The following SEC31A variants were observed in gnomAD, a reference collection of about 807,000 sequenced individuals.
SEC31A encodes the protein SEC31 homolog A, COPII component, also known as protein transport protein Sec31A.
Under a neutral mutation model 151.0 loss-of-function variants are expected in SEC31A, and 70 were observed. The ratio of observed to expected loss-of-function variants is 0.46; its 90% CI spans 0.38 to 0.57. The LOEUF is 0.57. SEC31A is among the 20% of genes least tolerant of loss of function. The pLI is 0.00. For synonymous variants in SEC31A, 475 were observed against 505.9 expected, an observed-to-expected ratio of 0.94 and a Z score of 0.82; for missense variants, 1,330 against 1,471.2, an observed-to-expected ratio of 0.90 and a Z score of 1.57.
chr4:82,841,080 A>G (rs1728613029), intron 22 of SEC31A, among the ~76,000 whole-genome samples: 2 of 152,210 alleles, frequency 1.3e-5, no homozygotes, highest in South Asian at 4.1e-4. Context: ...CACTTAGCTT[A>G]AAACATAAAT....
Position 82,871,868 on chromosome 4 carries a change from A to T in SEC31A, c.782+76T>A, listed in dbSNP as rs1404593739. ...AAAAAGTTCCTGTGTCCTATGGTGT[A>T]TTTCTGGTCACGAAAACATCACCGA... On this transcript the variant is annotated intron_variant, in intron 7 of 26. Coordinates refer to ENST00000395310, the MANE Select transcript of SEC31A (RefSeq NM_001077207.4). 1.9e-6 allele frequency: 3 copies of T among 1,598,910 alleles called. No homozygotes were observed. In the East Asian group the frequency reaches 6.8e-5, roughly 36 times the overall value.
At chr4:82,896,574 A>T (rs1351605705) in intron 3 of SEC31A, among the ~76,000 whole-genome samples, 1 of 151,782 alleles carries the variant, frequency 6.6e-6, no homozygotes, top group Non-Finnish European at 1.5e-5. Flanking sequence ...CCTGGGCAAC[A>T]CGGCAAAACC....
In SEC31A at chr4:82,872,024, C is replaced by T; in HGVS notation, c.702G>A (p.Glu234=). 1 of 1,614,124 alleles carries T rather than the reference C, an allele frequency of 6.2e-7. No individual in the cohort carries two copies. The highest frequency in any genetic ancestry group is 8.5e-7 in the Non-Finnish European group (1 of 1,180,022). The change falls in exon 7 of 27, where the codon GAG becomes GAA. Residue 234 remains glutamate (E), a synonymous_variant. Transcript: ENST00000395310. ...DVATQMVLAS[E]DDRLPVIQMW... ...TCTGGATCACTGGTAACCGGTCATC[C>T]TCGGAGGCAAGGACCATCTGAGTAG...
At chr4:82,858,727 G>C (rs930267980) in intron 14 of SEC31A, among the ~76,000 whole-genome samples, 2 of 150,898 alleles carry the variant, frequency 1.3e-5, no homozygotes, top group African/African-American at 2.4e-5. Context: ...TTTTGAGACA[G>C]AGTCTCACTC....
At chr4:82,846,473 G>C (rs576831127) in intron 20 of SEC31A, among the ~76,000 whole-genome samples, 3 of 150,946 alleles carry the variant, frequency 2.0e-5, no homozygotes, top group Non-Finnish European at 4.4e-5. Context: ...TTTTTCAATA[G>C]AAGTTACACT....
intron 11 of SEC31A, among the ~76,000 whole-genome samples, chr4:82,863,918 C>A (rs568592987): frequency 1.3e-5 from 2 of 152,238 alleles, no homozygotes; most frequent in African/African-American, 4.8e-5. Context: ...CCAGGAAATT[C>A]TATTTGTTAT....
rs142465271 is a variant in SEC31A, at chr4:82,825,889, T to G, written c.3292-1215A>C. Among the ~76,000 whole-genome samples the G allele has an allele frequency of 4.1e-3, 631 of 152,186 alleles. 2 individuals are homozygous for G. The highest frequency in any genetic ancestry group is 0.014 in the African/African-American group (578 of 41,512). On this transcript the variant is annotated intron_variant, in intron 24 of 26. Coordinates refer to ENST00000395310, the MANE Select transcript of SEC31A (RefSeq NM_001077207.4). ...ACTTGGGGAGATTTAAAAGAGAGGT[T>G]AAAGGGAAAAGTGCATAAAGATGAT... is the stretch of plus-strand genomic sequence containing the variant.
At chr4:82,823,574 G>A (rs1262924322) in intron 25 of SEC31A, among the ~76,000 whole-genome samples, 6 of 152,282 alleles carry the variant, frequency 3.9e-5, no homozygotes, top group South Asian at 2.1e-4. Context: ...ACAAGTAGCC[G>A]ATGATTAAAA....
At chr4:82,885,544 T>C (rs1486746965) in intron 1 of SEC31A, among the ~76,000 whole-genome samples, 1 of 152,206 alleles carries the variant, frequency 6.6e-6, no homozygotes, top group Non-Finnish European at 1.5e-5. Flanking sequence ...TGTATAATCT[T>C]ACTGCCCATC....
intron 1 of SEC31A, among the ~76,000 whole-genome samples, chr4:82,889,712 G>A (rs1466315): frequency 0.71 from 108,626 of 151,926 alleles, 39,765 homozygotes; most frequent in Admixed American, 0.79. Context: ...CCATGTTATT[G>A]GTTTCAATAA....
chr4:82,863,262 T>C (rs1421004718), intron 12 of SEC31A, 56 bp downstream of exon 12: 3 of 1,032,306 alleles, frequency 2.9e-6, no homozygotes, highest in African/African-American at 3.3e-5. Context: ...TAGAACTTTA[T>C]TTTTTAAAAG....
chr4:82,843,197 C>T (rs111361440), intron 21 of SEC31A, among the ~76,000 whole-genome samples: 1 of 150,204 alleles, frequency 6.7e-6, no homozygotes, highest in African/African-American at 2.5e-5. Flanking sequence ...ATGGTGTGAT[C>T]GTAGCTCACT....
chr4:82,881,762 A>T, intron 2 of SEC31A, 96 bp downstream of exon 2: 1 of 909,636 alleles, frequency 1.1e-6, no homozygotes, highest in South Asian at 1.4e-5. Flanking sequence ...AGGGAGAGAG[A>T]GGCTTTCTAG....
chr4:82,835,038 G>T (rs1023336942), intron 22 of SEC31A, among the ~76,000 whole-genome samples: 2 of 151,978 alleles, frequency 1.3e-5, no homozygotes, highest in African/African-American at 2.4e-5. Context: ...TAGAGATGGG[G>T]GTTTCATCAT....
chr4:82,850,212 C>G (rs1731199835), intron 19 of SEC31A, among the ~76,000 whole-genome samples: 1 of 151,702 alleles, frequency 6.6e-6, no homozygotes, highest in Non-Finnish European at 1.5e-5. Flanking sequence ...GGTCTTAAAG[C>G]AAATTAGTCT....
chr4:82,869,403 T>C (rs927509221), intron 8 of SEC31A, among the ~76,000 whole-genome samples: 6 of 152,060 alleles, frequency 3.9e-5, no homozygotes, highest in Non-Finnish European at 1.5e-5. Flanking sequence ...GTGCTGGGAT[T>C]ACAGGCCTGA....
Position 82,880,793 on chromosome 4 carries a change from T to A in SEC31A, c.203+6A>T, listed in dbSNP as rs1031361312. On this transcript the variant is annotated splice_donor_region_variant and intron_variant, in intron 3 of 26. Transcript: ENST00000395310. ...AATCACATGAATTTAAAGCTGAACC[T>A]CATACCTGTGAGAAGAGGAGAATGT... 3.1e-6 allele frequency: 5 copies of A among 1,607,134 alleles called. No homozygotes were observed. In the Admixed American group the frequency reaches 8.5e-5, roughly 27 times the overall value.
rs1341848000 is a variant in SEC31A at position 82,827,422 on chromosome 4, A to C, written c.3238T>G (p.Ser1080Ala). The change falls in exon 24 of 27, where the codon TCA (serine) becomes GCA (alanine). Residue 1080 changes from serine (S) to alanine (A), a missense_variant. Transcript: ENST00000395310. ...GGGGCACCTTCAATATTGGGCTTTG[A>C]AAAAGATGGTGGCATGCCTGTTTGA... ...LGQTGMPPSF[S>A]KPNIEGAPGA... 2.5e-6 allele frequency: 4 copies of C among 1,614,212 alleles called. No individual in the cohort carries two copies. Among genetic ancestry groups the C allele is most frequent in the Non-Finnish European group, 3.4e-6 (4 of 1,180,014 alleles).
In SEC31A at chr4:82,880,932, A is replaced by C. The variant is rs752620371; in HGVS notation, c.80-10T>G. On this transcript the variant is annotated splice_polypyrimidine_tract_variant and intron_variant, in intron 2 of 26. Transcript: ENST00000395310. ...TGCTGAGCAGATGTTCCTATAGAAA[A>C]TATATTTATGGTAACTATACACACA... The C allele has an allele frequency of 6.3e-7, 1 of 1,594,256 alleles. No homozygotes were observed. The highest frequency in any genetic ancestry group is 8.6e-7 in the Non-Finnish European group (1 of 1,168,942).
Sources: gnomAD v4.1 joint callset for allele counts (sites outside exome capture counted in the v4.1 genomes callset) on GRCh38, gnomAD v4.1.1 for gene constraint, MANE v1.5 for transcripts, NCBI Gene and HGNC (gene_info 2026-07-23, HGNC 2026-07-21) for gene names.